Variants in PTPRD observed in about 807,000 individuals in gnomAD.
The protein encoded by PTPRD is receptor-type tyrosine-protein phosphatase delta.
A neutral mutation model predicts 214.5 loss-of-function variants in PTPRD; 34 were observed. The observed-to-expected ratio is 0.16, with a 90% CI of 0.12 to 0.21. The LOEUF is 0.21. PTPRD is among the 10% of genes least tolerant of loss of function. PTPRD has a pLI of 1.00. For missense variants in PTPRD, 2,545 were observed against 2,398.7 expected (o/e 1.06, Z -1.27); for synonymous variants, 1,128 against 845.7 (o/e 1.33, Z -5.79).
At chr9:9,075,061 C>A (rs1484223763) in intron 10 of PTPRD, among the ~76,000 whole-genome samples, 1 of 152,060 alleles carries the variant, frequency 6.6e-6, no homozygotes, top group East Asian at 1.9e-4. Context: ...AAATTCCCTA[C>A]AAAAAGATAA....
At chr9:9,546,968 T>A (rs1459260265) in intron 8 of PTPRD, among the ~76,000 whole-genome samples, 3 of 146,658 alleles carry the variant, frequency 2.0e-5, no homozygotes, top group African/African-American at 7.5e-5. Context: ...TCACTAATGT[T>A]AAAAAAAAAA....
In PTPRD at chr9:8,319,933, C is replaced by T. The variant is rs758980398; in HGVS notation, c.5568G>A (p.Thr1856=). 12 of 1,612,840 alleles carry T rather than the reference C, an allele frequency of 7.4e-6. No individual in the cohort carries two copies. The highest frequency in any genetic ancestry group is 4.4e-5 in the South Asian group (4 of 91,018). Residue 1856 remains threonine, a synonymous_variant, in exon 45 of 46, where the codon ACG becomes ACA. Coordinates refer to ENST00000381196, the MANE Select transcript of PTPRD (RefSeq NM_002839.4). ...TCATTCTTTCCAAAACAATGCTTAG[C>T]GTTATGAAGACTCCAGTTCTTCCAA... The part of the protein sequence containing the change: ...AGVGRTGVFI[T]LSIVLERMRY...
At chr9:10,575,738 C>T (rs1233563636) in intron 2 of PTPRD, among the ~76,000 whole-genome samples, 1 of 151,986 alleles carries the variant, frequency 6.6e-6, no homozygotes, top group South Asian at 2.1e-4. Context: ...GATGTATTTT[C>T]TTTTCTAGCT....
rs541538297 is a variant in PTPRD at position 9,689,189 on chromosome 9, T to G, written c.-287+45344A>C. Among the ~76,000 whole-genome samples, 11 of 151,920 alleles carry G rather than the reference T, an allele frequency of 7.2e-5. No homozygotes were observed. The South Asian group carries it at 2.3e-3, about 32-fold the overall frequency. On this transcript the variant is annotated intron_variant, in intron 7 of 45. Transcript: ENST00000381196. Reference sequence around the variant, plus strand: ...TCCAATTTCACGACCAGAGACTACTTATTTAGCTTTTCTGCTTTACTTTCC... The same window carrying G: ...TCCAATTTCACGACCAGAGACTACTGATTTAGCTTTTCTGCTTTACTTTCC...
chr9:8,846,044 T>C (rs932291711), intron 11 of PTPRD, among the ~76,000 whole-genome samples: 6 of 152,178 alleles, frequency 3.9e-5, no homozygotes, highest in African/African-American at 1.4e-4. Flanking sequence ...CATCTGGGAA[T>C]TGCTACCACA....
At chr9:8,379,472 C>T (rs1036782050) in intron 37 of PTPRD, among the ~76,000 whole-genome samples, 1 of 152,098 alleles carries the variant, frequency 6.6e-6, no homozygotes, top group Non-Finnish European at 1.5e-5. Context: ...ATATGCTAAA[C>T]ATATGATTTC....
At chr9:9,319,519 A>C (rs1965308574) in intron 9 of PTPRD, among the ~76,000 whole-genome samples, 1 of 152,204 alleles carries the variant, frequency 6.6e-6, no homozygotes, top group Non-Finnish European at 1.5e-5. Flanking sequence ...AAATTCTGGT[A>C]ATTTAAATGT....
rs772638272 is a variant in PTPRD, at chr9:8,317,852, A to G, written c.*22T>C. 4.3e-6 allele frequency: 7 copies of G among 1,610,712 alleles called. No homozygotes were observed. The highest frequency in any genetic ancestry group is 3.3e-4 in the Middle Eastern group (2 of 6,042). ...GGATATTGAAGGGCCTGTAGTAAAAATCCAGAATGGGTCAGGGGTTTCTAC... is the reference window on the plus strand; with the variant it reads ...GGATATTGAAGGGCCTGTAGTAAAAGTCCAGAATGGGTCAGGGGTTTCTAC... On this transcript the variant is annotated 3_prime_UTR_variant, in exon 46 of 46. Transcript: ENST00000381196.
intron 5 of PTPRD, chr9:9,800,802 A>C (rs1179828591): frequency 6.6e-6 from 1 of 152,192 alleles, no homozygotes; most frequent in South Asian, 2.1e-4. Flanking sequence ...GCTCATCCAC[A>C]TCTCTAGCTG....
chr9:10,136,636 G>C (rs376142957), intron 3 of PTPRD, among the ~76,000 whole-genome samples: 1 of 128,690 alleles, frequency 7.8e-6, no homozygotes, highest in East Asian at 2.4e-4. Flanking sequence ...GGACATAGGC[G>C]TGGGCAAGGA....
chr9:9,915,881 T>C (rs888211991), intron 5 of PTPRD, among the ~76,000 whole-genome samples: 1 of 152,026 alleles, frequency 6.6e-6, no homozygotes, highest in Non-Finnish European at 1.5e-5. Flanking sequence ...GAACTTCAGA[T>C]TGATTCAGCC....
At chr9:8,484,082 ATTCT>A in intron 30 of PTPRD, 33 bp downstream of exon 30, 1 of 1,591,730 alleles carries the variant, frequency 6.3e-7, no homozygotes, top group Non-Finnish European at 8.6e-7. Flanking sequence ...TTTACCTATA[ATTCT>A]TTCCTTCAGC....
At chr9:10,556,888 T>C (rs376209797) in intron 2 of PTPRD, among the ~76,000 whole-genome samples, 31 of 151,922 alleles carry the variant, frequency 2.0e-4, no homozygotes, top group African/African-American at 6.5e-4. Flanking sequence ...GTGAAAAAAA[T>C]GCTAACTTGG....
At chr9:9,120,344 T>G (rs1297499770) in intron 10 of PTPRD, among the ~76,000 whole-genome samples, 1 of 152,242 alleles carries the variant, frequency 6.6e-6, no homozygotes, top group Non-Finnish European at 1.5e-5. Context: ...ACCGTGATGA[T>G]ATATGCCATC....
intron 3 of PTPRD, among the ~76,000 whole-genome samples, chr9:10,188,197 A>G (rs1211934297): frequency 6.6e-6 from 1 of 152,128 alleles, no homozygotes; most frequent in Non-Finnish European, 1.5e-5. Flanking sequence ...ACTTATTTTC[A>G]TTCATTTTAT....
intron 11 of PTPRD, among the ~76,000 whole-genome samples, chr9:8,936,538 A>G (rs182677903): frequency 6.6e-6 from 1 of 151,894 alleles, no homozygotes; most frequent in East Asian, 1.9e-4. Context: ...ATATGCAGCA[A>G]CTATAATTGG....
intron 10 of PTPRD, among the ~76,000 whole-genome samples, chr9:9,106,587 T>A (rs181875138): frequency 6.9e-6 from 1 of 145,828 alleles, no homozygotes; most frequent in African/African-American, 2.5e-5. Context: ...GTGTTTATAT[T>A]TGCTGTTAAC....
At chr9:9,313,324 A>G (rs1404658937) in intron 9 of PTPRD, among the ~76,000 whole-genome samples, 2 of 152,158 alleles carry the variant, frequency 1.3e-5, no homozygotes, top group East Asian at 3.9e-4. Context: ...TAAGAGTTAG[A>G]GGAGAGTAAG....
At chr9:10,472,376 T>C (rs2099036659) in intron 2 of PTPRD, among the ~76,000 whole-genome samples, 1 of 152,166 alleles carries the variant, frequency 6.6e-6, no homozygotes, top group Non-Finnish European at 1.5e-5. Context: ...ATTACAGAGA[T>C]GGGTAACTTT....
Sources: gnomAD v4.1 joint callset for allele counts (sites outside exome capture counted in the v4.1 genomes callset) on GRCh38, gnomAD v4.1.1 for gene constraint, MANE v1.5 for transcripts, NCBI Gene and HGNC (gene_info 2026-07-23, HGNC 2026-07-21) for gene names.